The following SGPP2 variants were observed in gnomAD, a reference collection of about 807,000 sequenced individuals.
The protein encoded by SGPP2 is sphingosine 1-phosphate phosphohydrolase 2.
SGPP2 carries 30 observed loss-of-function variants against 33.9 expected under a neutral mutation model. That is an observed-to-expected ratio of 0.89 (90% CI 0.66 to 1.20). The LOEUF (loss-of-function observed/expected upper bound fraction) is 1.20. Ranked by LOEUF, SGPP2 falls within the 50% of genes most tolerant of loss-of-function variation. SGPP2 has a pLI of 0.00. For missense variants in SGPP2, 458 were observed against 532.1 expected (o/e 0.86, Z 1.37); for synonymous variants, 233 against 225.0 (o/e 1.04, Z -0.32).
chr2:222,477,035 G>A lies in SGPP2; in HGVS notation c.378+2309G>A, dbSNP rs1697947832. On this transcript the variant is annotated intron_variant, in intron 2 of 4. Coordinates refer to ENST00000321276, the MANE Select transcript of SGPP2 (RefSeq NM_152386.4). The surrounding 1 kb of genome is among the most constrained non-coding windows in gnomAD (Gnocchi z 6.0). ...TGTATGTATATAGGTGTGTATATAT[G>A]TGTATGTGTGTATAGGTGTGTATAT... Among the ~76,000 whole-genome samples, 1 of 146,870 alleles carries A rather than the reference G, an allele frequency of 6.8e-6. No homozygotes were observed. The highest frequency in any genetic ancestry group is 6.7e-5 in the Admixed American group (1 of 15,020).
intron 1 of SGPP2, among the ~76,000 whole-genome samples, chr2:222,434,049 A>T (rs976164462): frequency 3.3e-5 from 5 of 152,192 alleles, no homozygotes; most frequent in African/African-American, 1.2e-4. Context: ...GAACTAAGGC[A>T]TTCTTGCATT....
intron 4 of SGPP2, among the ~76,000 whole-genome samples, chr2:222,546,998 A>T (rs1225593984): frequency 6.6e-6 from 1 of 152,134 alleles, no homozygotes; most frequent in African/African-American, 2.4e-5. Context: ...GACCTACTGA[A>T]TTAGAACCTG....
intron 4 of SGPP2, among the ~76,000 whole-genome samples, chr2:222,547,327 C>A (rs1454628732): frequency 6.6e-6 from 1 of 152,154 alleles, no homozygotes; most frequent in Non-Finnish European, 1.5e-5. Flanking sequence ...ATGTTATAAC[C>A]TGCCTGGAGG....
chr2:222,482,698 A>C (rs1331942316), intron 2 of SGPP2, among the ~76,000 whole-genome samples: 2 of 152,184 alleles, frequency 1.3e-5, no homozygotes, highest in Non-Finnish European at 2.9e-5. Context: ...CAGATTTTCA[A>C]GACAGCCAGA....
At chr2:222,424,255 G>T (rs1697021917), upstream of SGPP2, among the ~76,000 whole-genome samples, 2 of 151,366 alleles carry the variant, frequency 1.3e-5, no homozygotes, top group African/African-American at 2.4e-5. Context: ...TACGTCTGCC[G>T]GGGGAAGAAG....
At chr2:222,555,444 C>T (rs1303543907) in intron 4 of SGPP2, among the ~76,000 whole-genome samples, 2 of 88,178 alleles carry the variant, frequency 2.3e-5, no homozygotes, top group Non-Finnish European at 4.6e-5. Context: ...TTCTTTTATC[C>T]GTTTTTTTTT....
rs987408539 is a variant in SGPP2, at chr2:222,476,230, G to A, written c.378+1504G>A. On this transcript the variant is annotated intron_variant, in intron 2 of 4. Coordinates refer to ENST00000321276, the MANE Select transcript of SGPP2 (RefSeq NM_152386.4). This position sits in a 1 kb window ranked among gnomAD's most constrained non-coding sequence, Gnocchi z 4.3. ...TCTCATTTGTAGAACAAGTAGAATG[G>A]ACTTGATCAGGGGTCATAAATTCGA... Among the ~76,000 whole-genome samples, 10 of 152,118 alleles carry A rather than the reference G, an allele frequency of 6.6e-5. No homozygotes were observed. The highest frequency in any genetic ancestry group is 1.2e-4 in the Non-Finnish European group (8 of 68,018).
chr2:222,440,641 G>GT (rs1317285144), intron 1 of SGPP2, among the ~76,000 whole-genome samples: 1 of 151,972 alleles, frequency 6.6e-6, no homozygotes, highest in Non-Finnish European at 1.5e-5. Context: ...ACGCCTGGCT[G>GT]TTTTTTATGT....
chr2:222,545,711 A>G (rs952436726), intron 4 of SGPP2, among the ~76,000 whole-genome samples: 1 of 152,200 alleles, frequency 6.6e-6, no homozygotes, highest in Non-Finnish European at 1.5e-5. Flanking sequence ...AAAGGGAACC[A>G]TGTTCTCAAA....
At chr2:222,424,482 C>T, upstream of SGPP2, 3 of 609,684 alleles carry the variant, frequency 4.9e-6, no homozygotes, top group Non-Finnish European at 6.6e-6. Context: ...GGCCCGGGGC[C>T]CCGCCCGCCC....
At chr2:222,482,517 C>T (rs1464468178) in intron 2 of SGPP2, among the ~76,000 whole-genome samples, 1 of 152,134 alleles carries the variant, frequency 6.6e-6, no homozygotes, top group African/African-American at 2.4e-5. Context: ...CCACCTCAGC[C>T]TCCCAAGTAG....
At chr2:222,466,719 G>C (rs1249714545) in intron 1 of SGPP2, among the ~76,000 whole-genome samples, 1 of 152,120 alleles carries the variant, frequency 6.6e-6, no homozygotes, top group East Asian at 1.9e-4. Context: ...GTTAGGAAAG[G>C]CTTTCAAACT....
chr2:222,506,156 T>A (rs1285232468), intron 2 of SGPP2, among the ~76,000 whole-genome samples: 1 of 152,222 alleles, frequency 6.6e-6, no homozygotes, highest in Non-Finnish European at 1.5e-5. Flanking sequence ...GTTCTGATTA[T>A]CCACTTAAAA....
At chr2:222,434,191 C>T (rs1379235228) in intron 1 of SGPP2, among the ~76,000 whole-genome samples, 1 of 152,166 alleles carries the variant, frequency 6.6e-6, no homozygotes, top group African/African-American at 2.4e-5. Context: ...CTTTATTATT[C>T]TTCTTGCCTG....
At chr2:222,427,108 G>T (rs994361247) in intron 1 of SGPP2, among the ~76,000 whole-genome samples, 3 of 152,168 alleles carry the variant, frequency 2.0e-5, no homozygotes, top group Admixed American at 1.3e-4. Flanking sequence ...GTGGATATCT[G>T]ATTATTCCCC....
intron 2 of SGPP2, among the ~76,000 whole-genome samples, chr2:222,493,336 C>T (rs908261957): frequency 4.6e-5 from 7 of 152,184 alleles, no homozygotes; most frequent in African/African-American, 1.7e-4. Context: ...GAAGCAAGAG[C>T]AGGGAAAACT....
intron 2 of SGPP2, among the ~76,000 whole-genome samples, chr2:222,488,946 C>A (rs12614290): frequency 0.14 from 21,295 of 152,112 alleles, 2,028 homozygotes; most frequent in East Asian, 0.5. Flanking sequence ...AAATACATAG[C>A]AATTTGATTC....
intron 2 of SGPP2, among the ~76,000 whole-genome samples, chr2:222,510,463 A>C (rs544282152): frequency 2.0e-5 from 3 of 152,320 alleles, no homozygotes; most frequent in African/African-American, 7.2e-5. Context: ...CCGTAGATAG[A>C]CTGTAAATCC....
At position 222,528,061 on chromosome 2, in the gene SGPP2, G is replaced by A. The variant is rs536759627; in HGVS notation, c.648+3028G>A. Among the ~76,000 whole-genome samples the A allele has an allele frequency of 2.0e-5, 3 of 152,212 alleles. No homozygotes were observed. The South Asian group carries it at 6.2e-4, about 32-fold the overall frequency. ...ACTGGATTGAGCCAACTATGATAGC[G>A]TGCCCCTTCCCTGGGCCCCTCACAA... On this transcript the variant is annotated intron_variant, in intron 4 of 4. Coordinates refer to ENST00000321276, the MANE Select transcript of SGPP2 (RefSeq NM_152386.4).
Sources: gnomAD v4.1 joint callset for allele counts (sites outside exome capture counted in the v4.1 genomes callset) on GRCh38, gnomAD v4.1.1 for gene constraint, Gnocchi (gnomAD v3.1) non-coding constraint, MANE v1.5 for transcripts, NCBI Gene and HGNC (gene_info 2026-07-23, HGNC 2026-07-21) for gene names.